The following NSMCE2 variants were observed in gnomAD, a reference collection of about 807,000 sequenced individuals.
NSMCE2 encodes the protein NSE2 SUMO ligase component of SMC5/6 complex, also known as E3 SUMO-protein ligase NSE2.
NSMCE2 carries 24 observed loss-of-function variants against 23.8 expected under a neutral mutation model. That is an observed-to-expected ratio of 1.01 (90% CI 0.73 to 1.42). The LOEUF (loss-of-function observed/expected upper bound fraction) is 1.42, where lower values mean the gene tolerates loss of function less well. NSMCE2 is among the 40% of genes most tolerant of loss of function. NSMCE2 has a pLI of 0.00. For missense variants in NSMCE2, 284 were observed against 296.5 expected (o/e 0.96, Z 0.31); for synonymous variants, 92 against 94.1 (o/e 0.98, Z 0.13).
chr8:125,163,215 A>C (rs1361083004), intron 4 of NSMCE2, among the ~76,000 whole-genome samples: 4 of 152,196 alleles, frequency 2.6e-5, no homozygotes, highest in Non-Finnish European at 5.9e-5. Flanking sequence ...AAAAAATTAA[A>C]AAATGAAAGT....
chr8:125,275,297 C>T (rs1586705930), intron 5 of NSMCE2, among the ~76,000 whole-genome samples: 2 of 152,284 alleles, frequency 1.3e-5, no homozygotes, highest in South Asian at 2.1e-4. Flanking sequence ...CACTTCATCC[C>T]GTCTTCTAGC....
chr8:125,102,511 T>G (rs755638960), intron 3 of NSMCE2, 24 bp downstream of exon 3: 6 of 1,596,816 alleles, frequency 3.8e-6, no homozygotes, highest in Non-Finnish European at 5.2e-6. Context: ...AAACCTCTTT[T>G]GTGTCTACTT....
At chr8:125,187,348 A>G (rs1476380113) in intron 5 of NSMCE2, among the ~76,000 whole-genome samples, 2 of 152,222 alleles carry the variant, frequency 1.3e-5, no homozygotes, top group Non-Finnish European at 2.9e-5. Context: ...AATTTCTTAA[A>G]CAGTAATCAT....
Position 125,154,238 on chromosome 8 carries a change from GCATTTGAATTTATTATTT to G in NSMCE2, c.264+2962_264+2979del, listed in dbSNP as rs1460473001. Among the ~76,000 whole-genome samples the G allele has an allele frequency of 2.0e-5, 3 of 152,194 alleles. No homozygotes were observed. In the East Asian group the frequency reaches 5.8e-4, roughly 29 times the overall value. The stretch of plus-strand genomic sequence containing the variant: ...TAAAAACTTTTTTAATCATTAAAGA[GCATTTGAATTTATTATTT>G]AAATAGACATCTCTCTTCCACTCTC... On this transcript the variant is annotated intron_variant, in intron 4 of 7. Transcript: ENST00000287437.
intron 5 of NSMCE2, among the ~76,000 whole-genome samples, chr8:125,241,404 G>A (rs1375676581): frequency 1.3e-5 from 2 of 152,176 alleles, no homozygotes; most frequent in African/African-American, 4.8e-5. Flanking sequence ...AATAGTGGAA[G>A]TACATATACT....
At chr8:125,205,576 C>G (rs1404891814) in intron 5 of NSMCE2, among the ~76,000 whole-genome samples, 2 of 152,156 alleles carry the variant, frequency 1.3e-5, no homozygotes, top group Non-Finnish European at 2.9e-5. Flanking sequence ...AACAAGTTCC[C>G]CCATAACCCT....
intron 5 of NSMCE2, among the ~76,000 whole-genome samples, chr8:125,183,887 C>T (rs972638039): frequency 2.0e-5 from 3 of 152,008 alleles, no homozygotes; most frequent in African/African-American, 7.3e-5. Context: ...AAGGCATTCT[C>T]AGTGAAAAGA....
At chr8:125,140,502 A>C (rs1820309476) in intron 3 of NSMCE2, among the ~76,000 whole-genome samples, 1 of 152,142 alleles carries the variant, frequency 6.6e-6, no homozygotes, top group Non-Finnish European at 1.5e-5. Context: ...ATCTCTACTG[A>C]AAATACAAAA....
chr8:125,095,002 C>T (rs575717743), intron 1 of NSMCE2, among the ~76,000 whole-genome samples: 59 of 152,280 alleles, frequency 3.9e-4, no homozygotes, highest in Admixed American at 9.1e-4. Flanking sequence ...CAGGCCCGCA[C>T]CACCACATCC....
intron 3 of NSMCE2, among the ~76,000 whole-genome samples, chr8:125,148,342 A>G (rs984863179): frequency 2.0e-5 from 3 of 152,202 alleles, no homozygotes; most frequent in Admixed American, 6.5e-5. Context: ...TCTTAGTAGC[A>G]TATATGGGAC....
chr8:125,220,384 A>G (rs1408255825), intron 5 of NSMCE2, among the ~76,000 whole-genome samples: 3 of 152,170 alleles, frequency 2.0e-5, no homozygotes, highest in East Asian at 3.8e-4. Context: ...TTAAGGCATT[A>G]TCATTTGCCT....
At chr8:125,288,035 G>A (rs1292572703) in intron 5 of NSMCE2, among the ~76,000 whole-genome samples, 4 of 151,936 alleles carry the variant, frequency 2.6e-5, no homozygotes, top group South Asian at 2.1e-4. Context: ...TATGTTGCCC[G>A]GGCTCTTCAC....
rs557508237 is a variant in NSMCE2 at position 125,200,101 on chromosome 8, C to T, written c.418+17845C>T. ...TGAGATGGGTCTCCTGAATACAGCA[C>T]ATTGTTGGGACTTGACTCTTTATCC... On this transcript the variant is annotated intron_variant, in intron 5 of 7. Transcript: ENST00000287437. Among the ~76,000 whole-genome samples, 467 of 152,284 alleles carry T rather than the reference C, an allele frequency of 3.1e-3. 2 individuals are homozygous for T. The highest frequency in any genetic ancestry group is 0.011 in the African/African-American group (449 of 41,546).
chr8:125,099,908 T>G (rs1818103602), intron 1 of NSMCE2, among the ~76,000 whole-genome samples: 1 of 152,064 alleles, frequency 6.6e-6, no homozygotes, highest in Non-Finnish European at 1.5e-5. Flanking sequence ...ATTTGTTTGC[T>G]GAAGGGAATG....
intron 5 of NSMCE2, among the ~76,000 whole-genome samples, chr8:125,329,558 G>A (rs1195968905): frequency 6.6e-6 from 1 of 152,168 alleles, no homozygotes; most frequent in Non-Finnish European, 1.5e-5. Flanking sequence ...CAACCTCATT[G>A]CCAGCAGATC....
At chr8:125,319,075 T>G (rs1381933474) in intron 5 of NSMCE2, among the ~76,000 whole-genome samples, 3 of 152,160 alleles carry the variant, frequency 2.0e-5, no homozygotes, top group Non-Finnish European at 4.4e-5. Flanking sequence ...ATGAGAATAG[T>G]ACCTGTTCTC....
intron 4 of NSMCE2, among the ~76,000 whole-genome samples, chr8:125,151,700 G>A (rs763189506): frequency 6.6e-5 from 10 of 152,190 alleles, no homozygotes; most frequent in African/African-American, 4.8e-5. Context: ...TAATATGGAA[G>A]AGTTTTAAGC....
chr8:125,223,931 G>GTA (rs1304416182), intron 5 of NSMCE2, among the ~76,000 whole-genome samples: 1 of 150,390 alleles, frequency 6.6e-6, no homozygotes, highest in Non-Finnish European at 1.5e-5. Context: ...TGATCTTCCT[G>GTA]GTTCAAGAGA....
At chr8:125,362,001 C>G (rs1479966419) in intron 7 of NSMCE2, among the ~76,000 whole-genome samples, 1 of 152,188 alleles carries the variant, frequency 6.6e-6, no homozygotes, top group African/African-American at 2.4e-5. Flanking sequence ...CTGTGGGACC[C>G]CAAGACCCGG....
Sources: gnomAD v4.1 joint callset for allele counts (sites outside exome capture counted in the v4.1 genomes callset) on GRCh38, gnomAD v4.1.1 for gene constraint, MANE v1.5 for transcripts, NCBI Gene and HGNC (gene_info 2026-07-23, HGNC 2026-07-21) for gene names.